The following MCM4 variants were observed in gnomAD, a reference collection of about 807,000 sequenced individuals.
MCM4 encodes the protein minichromosome maintenance complex component 4.
Under a neutral mutation model 88.7 loss-of-function variants are expected in MCM4, and 60 were observed. The observed-to-expected ratio is 0.68, with a 90% confidence interval of 0.55 to 0.84. The LOEUF is 0.84. Among genes scored for constraint, MCM4 ranks in the 40% least tolerant of loss-of-function variants. The pLI, the probability that MCM4 is intolerant of heterozygous loss-of-function variation, is 0.00. For missense variants in MCM4, 1,149 were observed against 1,105.5 expected, an observed-to-expected ratio of 1.04 and a Z score of -0.56; for synonymous variants, 465 against 410.5, an observed-to-expected ratio of 1.13 and a Z score of -1.61.
In MCM4 at chr8:47,962,166, G is replaced by T; in HGVS notation, c.349G>T (p.Asp117Tyr). The part of the protein sequence containing the change: ...VRGTPVRQRP[D>Y]LGSAQKGLQV... ...GGGCACACCTGTGAGACAGAGGCCT[G>T]ACCTGGGCTCTGCACAGAAGGGCCT... Residue 117 changes from aspartate (D) to tyrosine (Y), a missense_variant, in exon 4 of 17, where the codon GAC becomes TAC. Transcript: ENST00000649973. The T allele has an allele frequency of 6.2e-7, 1 of 1,614,218 alleles. No homozygotes were observed. Among genetic ancestry groups the T allele is most frequent in the South Asian group, 1.1e-5 (1 of 91,078 alleles).
chr8:47,973,069 C>T lies in MCM4; in HGVS notation c.2136+5C>T. On this transcript the variant is annotated splice_donor_5th_base_variant and intron_variant, in intron 14 of 16. Coordinates refer to ENST00000649973, the MANE Select transcript of MCM4 (RefSeq NM_182746.3). ...GCCAGCCAGGCTCTCATCGAGGTAA[C>T]CCTGCTGAAAAAAGGCTTACTGTGC... 6.2e-7 allele frequency: 1 copy of T among 1,611,490 alleles called. No individual in the cohort carries two copies.
chr8:47,973,418 C>G (rs549249088), intron 14 of MCM4, among the ~76,000 whole-genome samples: 2 of 152,090 alleles, frequency 1.3e-5, no homozygotes, highest in African/African-American at 2.4e-5. Flanking sequence ...TCAAGTGATG[C>G]GCCAGCCTCT....
rs548654538 is a variant in MCM4 at position 47,964,466 on chromosome 8, T to C, written c.694-108T>C. 28 of 774,402 alleles carry C rather than the reference T, an allele frequency of 3.6e-5. No homozygotes were observed. The South Asian group carries it at 3.7e-4, about 10-fold the overall frequency. The allele number at this position is 774,402 out of a possible 1,614,324, so 48.0% of individuals were successfully genotyped here. A position where few individuals can be genotyped will look rare whatever the true frequency, so the allele number is the denominator to read the frequency against. ...GTGCATGATTCTGTAGGGTAATACT[T>C]TGGGGACATGACATGTTGTCTTTTT... is the stretch of plus-strand genomic sequence containing the variant. On this transcript the variant is annotated intron_variant, in intron 7 of 16. Transcript: ENST00000649973.
chr8:47,970,378 G>T (rs1264919342), intron 11 of MCM4, 133 bp from the exon 12 acceptor site: 29 of 1,171,868 alleles, frequency 2.5e-5, no homozygotes, highest in Admixed American at 4.7e-5. Flanking sequence ...GCACTTTCAC[G>T]AGCCTTTTTA....
In MCM4 at chr8:47,961,543, C is replaced by T. The variant is rs755898364; in HGVS notation, c.98C>T (p.Pro33Leu). The change falls in exon 3 of 17, where the codon CCC (proline) becomes CTC (leucine). Residue 33 changes from proline to leucine, a missense_variant. Coordinates refer to ENST00000649973, the MANE Select transcript of MCM4 (RefSeq NM_182746.3). ...CGGAGTGAGGATGCCAGGTCATCTCCCTCTCAGAGACGTAGAGGCGAGGAT... is the reference window on the plus strand; with the variant it reads ...CGGAGTGAGGATGCCAGGTCATCTCTCTCTCAGAGACGTAGAGGCGAGGAT... ...TPRSEDARSSPSQRRRGEDST... is the reference protein window; with the variant it reads ...TPRSEDARSSLSQRRRGEDST... The T allele has an allele frequency of 2.6e-5, 42 of 1,614,030 alleles. No individual in the cohort carries two copies. The highest frequency in any genetic ancestry group is 5.5e-5 in the South Asian group (5 of 91,088).
In MCM4 at chr8:47,967,375, A is replaced by G; in HGVS notation, c.1064A>G (p.Gln355Arg). 1 of 1,614,192 alleles carries G rather than the reference A, an allele frequency of 6.2e-7. No homozygotes were observed. Among genetic ancestry groups the G allele is most frequent in the Non-Finnish European group, 8.5e-7 (1 of 1,180,004 alleles). ...TTTGCTGACCTTCAGATCAAGCTTC[A>G]GGAGTCTCCGGAAGACATGCCTGCA... ...LFSDKQMIKLQESPEDMPAGQ... is the reference protein window; with the variant it reads ...LFSDKQMIKLRESPEDMPAGQ... The change falls in exon 10 of 17, where the codon CAG (glutamine) becomes CGG (arginine). Residue 355 changes from glutamine (Q) to arginine (R), a missense_variant. Gln to Arg is a conservative substitution (Grantham distance 43). This residue lies in a region of MCM4 where 906 missense variants were observed against 843.0 expected (regional missense o/e 1.07). Transcript: ENST00000649973.
intron 5 of MCM4, 37 bp downstream of exon 5, chr8:47,962,443 T>G: frequency 1.3e-6 from 2 of 1,594,480 alleles, no homozygotes; most frequent in Non-Finnish European, 1.7e-6. Flanking sequence ...CTTTGGGCTC[T>G]GAAAATGTTG....
chr8:47,973,154 T>G, intron 14 of MCM4, 90 bp downstream of exon 14: 1 of 1,166,222 alleles, frequency 8.6e-7, no homozygotes, highest in Non-Finnish European at 1.2e-6. Context: ...TTAATTATTT[T>G]GTTACGAATA....
intron 12 of MCM4, 22 bp downstream of exon 12, chr8:47,970,898 G>C: frequency 6.4e-7 from 1 of 1,558,228 alleles, no homozygotes; most frequent in Non-Finnish European, 8.7e-7. Flanking sequence ...TCTCCACCGT[G>C]AACATGGACG....
intron 11 of MCM4, 56 bp downstream of exon 11, chr8:47,970,113 G>T: frequency 1.3e-6 from 2 of 1,577,028 alleles, no homozygotes; most frequent in East Asian, 2.2e-5. Flanking sequence ...GGATCAAATA[G>T]TATAAACATC....
At position 47,964,775 on chromosome 8, in the gene MCM4, G is replaced by C. The variant is rs982869832; in HGVS notation, c.832+63G>C. ...AAATGCCTTACATGAAAATAGCCTT[G>C]TTTTCATTGAGAAATTATGAAAGAA... is the stretch of plus-strand genomic sequence containing the variant. On this transcript the variant is annotated intron_variant, in intron 8 of 16. Transcript: ENST00000649973. 8.2e-6 allele frequency: 11 copies of C among 1,348,634 alleles called. No homozygotes were observed. In the Admixed American group the frequency reaches 1.0e-4, roughly 12 times the overall value. 83.5% of individuals were successfully genotyped at this position (1,348,634 alleles called of 1,614,324 possible).
Position 47,972,633 on chromosome 8 carries a change from C to T in MCM4, c.1929-224C>T, listed in dbSNP as rs750181315. ...GTGCAGTGACGCGAACTTGGCTCAC[C>T]GCAACCTTCGCCTTCCAGGTTCAAG... On this transcript the variant is annotated intron_variant, in intron 13 of 16. Transcript: ENST00000649973. Among the ~76,000 whole-genome samples the T allele has an allele frequency of 5.7e-4, 87 of 152,010 alleles. 1 individual carries two copies. Among genetic ancestry groups the T allele is most frequent in the Middle Eastern group, 6.8e-3 (2 of 294 alleles).
chr8:47,971,370 C>T lies in MCM4; in HGVS notation c.1830C>T (p.Arg610=). Reference sequence around the variant, plus strand: ...GGATCATCTGTCAGCTCAATGCGCGCACCTCTGTCCTGGCAGCAGCAAATC... The same window carrying T: ...GGATCATCTGTCAGCTCAATGCGCGTACCTCTGTCCTGGCAGCAGCAAATC... ...KAGIICQLNA[R]TSVLAAANPI... Residue 610 remains arginine (R), a synonymous_variant, in exon 13 of 17, where the codon CGC becomes CGT. Transcript: ENST00000649973. 6.2e-7 allele frequency: 1 copy of T among 1,614,126 alleles called. No individual in the cohort carries two copies. The highest frequency in any genetic ancestry group is 8.5e-7 in the Non-Finnish European group (1 of 1,180,018).
At chr8:47,967,956 A>G (rs2090915084) in intron 10 of MCM4, among the ~76,000 whole-genome samples, 1 of 152,242 alleles carries the variant, frequency 6.6e-6, no homozygotes, top group South Asian at 2.1e-4. Flanking sequence ...GAGAAAAATG[A>G]GTCAGTGACT....
intron 3 of MCM4, 110 bp from the exon 4 acceptor site, chr8:47,961,943 G>T: frequency 9.2e-7 from 1 of 1,083,122 alleles, no homozygotes; most frequent in Non-Finnish European, 1.4e-6. Flanking sequence ...ACCGCAGGTT[G>T]CAATAAATAT....
Position 47,975,753 on chromosome 8 carries a change from G to A in MCM4, c.2404G>A (p.Ala802Thr). The A allele has an allele frequency of 1.3e-6, 2 of 1,582,354 alleles. No individual in the cohort carries two copies. Among genetic ancestry groups the A allele is most frequent in the South Asian group, 2.4e-5 (2 of 83,374 alleles). ...CTCTCGTAAACGGAAAGAAGAATTAGCTGAAGCATTGAAAAAGCTTATTTT... is the reference window on the plus strand; with the variant it reads ...CTCTCGTAAACGGAAAGAAGAATTAACTGAAGCATTGAAAAAGCTTATTTT... ...ATSRKRKEELAEALKKLILSK... is the reference protein window; with the variant it reads ...ATSRKRKEELTEALKKLILSK... Residue 802 changes from alanine to threonine, a missense_variant, in exon 16 of 17, where the codon GCT (alanine) becomes ACT (threonine). By Grantham distance (58) the Ala-to-Thr change is moderately conservative (BLOSUM62 0). Around this residue, in one of 3 missense-constraint regions of MCM4, gnomAD observed 238 missense variants for 241.6 expected, o/e 0.99. Transcript: ENST00000649973.
chr8:47,976,726 T>C lies in MCM4; in HGVS notation c.2540T>C (p.Leu847Pro), dbSNP rs1186782415. The change falls in exon 17 of 17, where the codon CTG becomes CCG. Residue 847 changes from leucine to proline, a missense_variant. Leu to Pro is a moderately conservative substitution (Grantham distance 98, BLOSUM62 -3). Coordinates refer to ENST00000649973, the MANE Select transcript of MCM4 (RefSeq NM_182746.3). ...ATGTTTGAAGAAGCACTGCGTGCCC[T>C]GGCAGATGATGATTTCCTGACAGTG... ...KDMFEEALRALADDDFLTVTG... is the reference protein window; with the variant it reads ...KDMFEEALRAPADDDFLTVTG... The C allele has an allele frequency of 6.2e-7, 1 of 1,613,674 alleles. No individual in the cohort carries two copies. Among genetic ancestry groups the C allele is most frequent in the Non-Finnish European group, 8.5e-7 (1 of 1,179,688 alleles).
At chr8:47,966,478 G>C (rs1406679340) in intron 9 of MCM4, 71 bp downstream of exon 9, 2 of 1,424,846 alleles carry the variant, frequency 1.4e-6, no homozygotes, top group Non-Finnish European at 1.9e-6. Context: ...ACTATAACTT[G>C]TCCCTCGGAC....
chr8:47,965,332 C>T (rs558289918), intron 8 of MCM4, among the ~76,000 whole-genome samples: 12 of 152,244 alleles, frequency 7.9e-5, no homozygotes, highest in Admixed American at 7.2e-4. Context: ...TAGCAAGGCA[C>T]AGTGGCTCAC....
Sources: gnomAD v4.1 joint callset for allele counts (sites outside exome capture counted in the v4.1 genomes callset) on GRCh38, gnomAD v4.1.1 for gene constraint, gnomAD v4.1.1 regional missense constraint, MANE v1.5 for transcripts, NCBI Gene and HGNC (gene_info 2026-07-23, HGNC 2026-07-21) for gene names.